LRRC7: variants seen among roughly 807,000 people sequenced by gnomAD.
The protein encoded by LRRC7 is leucine-rich repeat-containing protein 7.
In LRRC7, 23 loss-of-function variants were observed where a neutral mutation model predicts 175.7. The observed-to-expected ratio is 0.13, with a 90% CI of 0.09 to 0.19. The LOEUF is 0.19. Ranked by LOEUF, LRRC7 falls within the 10% of genes least tolerant of loss-of-function variation. LRRC7 has a pLI of 1.00. For synonymous variants in LRRC7, 685 were observed against 680.9 expected (o/e 1.01, Z -0.09); for missense variants, 1,354 against 1,904.7 (o/e 0.71, Z 5.38).
intron 1 of LRRC7, among the ~76,000 whole-genome samples, chr1:69,571,932 G>A (rs72934497): frequency 0.048 from 7,260 of 152,094 alleles, 583 homozygotes; most frequent in African/African-American, 0.17. Flanking sequence ...GTTGAACACA[G>A]TAGTTATAAT....
intron 1 of LRRC7, among the ~76,000 whole-genome samples, chr1:69,605,495 A>G (rs1647392267): frequency 6.6e-6 from 1 of 152,222 alleles, no homozygotes; most frequent in South Asian, 2.1e-4. Context: ...TGTGCAGGGC[A>G]CTTACTGCAT....
At chr1:69,793,642 T>TC (rs983022803) in intron 4 of LRRC7, among the ~76,000 whole-genome samples, 1 of 151,798 alleles carries the variant, frequency 6.6e-6, no homozygotes, top group Non-Finnish European at 1.5e-5. Context: ...CTTTTTTTTT[T>TC]CTTATATGAA....
intron 2 of LRRC7, among the ~76,000 whole-genome samples, chr1:69,757,615 G>T (rs1432809659): frequency 6.6e-6 from 1 of 151,868 alleles, no homozygotes; most frequent in Admixed American, 6.6e-5. Flanking sequence ...CAAAAGTTTT[G>T]GTAGACAGTG....
intron 7 of LRRC7, among the ~76,000 whole-genome samples, chr1:69,855,634 T>C (rs529605548): frequency 6.6e-6 from 1 of 152,224 alleles, no homozygotes; most frequent in African/African-American, 2.4e-5. Context: ...TGTAGATGTC[T>C]ATTAGGTCTG....
intron 4 of LRRC7, among the ~76,000 whole-genome samples, chr1:69,794,467 C>T (rs1412388174): frequency 6.6e-6 from 1 of 152,276 alleles, no homozygotes; most frequent in Middle Eastern, 3.4e-3. Context: ...GAAAGATGAC[C>T]TTAGGGCTAC....
chr1:69,786,174 A>C (rs1027763792), intron 3 of LRRC7, among the ~76,000 whole-genome samples: 1 of 152,162 alleles, frequency 6.6e-6, no homozygotes, highest in African/African-American at 2.4e-5. Context: ...GGAGACTTGT[A>C]TGCTTCTACC....
In LRRC7 at chr1:69,663,700, A is replaced by ATTTTTTTTTTTTTTTTTTTTTT. The variant is rs552339451; in HGVS notation, c.3-14670_3-14649dup. 3.0e-5 allele frequency among the ~76,000 whole-genome samples: 2 copies of ATTTTTTTTTTTTTTTTTTTTTT among 67,726 alleles called. 1 individual carries two copies. Among genetic ancestry groups the ATTTTTTTTTTTTTTTTTTTTTT allele is most frequent in the African/African-American group, 1.3e-4 (2 of 14,920 alleles). 44.4% of individuals were successfully genotyped at this position (67,726 alleles called of 152,430 possible). A position where few individuals can be genotyped will look rare whatever the true frequency, so the allele number is the denominator to read the frequency against. ...TGTCTCCATTAGTTCAATCGTTTTA[A>ATTTTTTTTTTTTTTTTTTTTTT]TTTTTTTTTTTTTTTTTTTTTTTTT... On this transcript the variant is annotated intron_variant, in intron 1 of 26. Transcript: ENST00000651989.
intron 1 of LRRC7, among the ~76,000 whole-genome samples, chr1:69,612,603 C>T (rs1277065485): frequency 6.6e-6 from 1 of 151,882 alleles, no homozygotes; most frequent in African/African-American, 2.4e-5. Flanking sequence ...TAAGGGAATA[C>T]CCATAATGGT....
At chr1:69,883,012 A>T (rs1226295538) in intron 7 of LRRC7, among the ~76,000 whole-genome samples, 1 of 151,926 alleles carries the variant, frequency 6.6e-6, no homozygotes, top group African/African-American at 2.4e-5. Flanking sequence ...CCAGTTTATC[A>T]TTGTTGGACA....
At chr1:69,831,740 C>T (rs1373078732) in intron 5 of LRRC7, among the ~76,000 whole-genome samples, 2 of 152,030 alleles carry the variant, frequency 1.3e-5, no homozygotes, top group Non-Finnish European at 2.9e-5. Context: ...AAAATACAAA[C>T]TAGAACAATA....
chr1:69,646,941 G>A (rs1001351373), intron 1 of LRRC7, among the ~76,000 whole-genome samples: 8 of 151,866 alleles, frequency 5.3e-5, no homozygotes, highest in Non-Finnish European at 1.0e-4. Flanking sequence ...CCAGAAGTTG[G>A]GTCCAGCAAC....
intron 1 of LRRC7, among the ~76,000 whole-genome samples, chr1:69,569,906 C>CAA (rs71071364): frequency 1.5e-3 from 131 of 87,066 alleles, no homozygotes; most frequent in Non-Finnish European, 2.4e-3. Flanking sequence ...AAAGGAATTA[C>CAA]AAAAAAAAAA....
intron 9 of LRRC7, among the ~76,000 whole-genome samples, chr1:69,981,085 C>G (rs1403953882): frequency 2.6e-5 from 4 of 152,030 alleles, no homozygotes; most frequent in African/African-American, 9.7e-5. Context: ...AAGAATGTTC[C>G]CATAAAACGC....
intron 2 of LRRC7, among the ~76,000 whole-genome samples, chr1:69,701,875 T>G (rs956676311): frequency 6.6e-6 from 1 of 152,226 alleles, no homozygotes; most frequent in African/African-American, 2.4e-5. Flanking sequence ...TTAAAAATCA[T>G]ATCACTAGTG....
rs574304112 is a variant in LRRC7 at position 70,106,417 on chromosome 1, C to T, written c.4546-1335C>T. Among the ~76,000 whole-genome samples the T allele has an allele frequency of 1.1e-4, 17 of 152,250 alleles. 1 individual carries two copies. In the South Asian group the frequency reaches 3.5e-3, roughly 32 times the overall value. On this transcript the variant is annotated intron_variant, in intron 25 of 26. Coordinates refer to ENST00000651989, the MANE Select transcript of LRRC7 (RefSeq NM_001370785.2). ...TTGGCCTTTTGTGACTTGTTTCTTT[C>T]ACTGGGCATAGTGTTTTCATAACGT...
intron 13 of LRRC7, among the ~76,000 whole-genome samples, chr1:70,014,530 A>G (rs984335817): frequency 6.6e-6 from 1 of 152,004 alleles, no homozygotes; most frequent in Non-Finnish European, 1.5e-5. Context: ...GGAACATACT[A>G]TGGAGCCAAA....
chr1:69,847,194 G>C (rs1040218275), intron 7 of LRRC7, among the ~76,000 whole-genome samples: 2 of 152,028 alleles, frequency 1.3e-5, no homozygotes, highest in African/African-American at 4.8e-5. Context: ...GTATCTTCAT[G>C]TATCTTATAA....
At chr1:69,805,389 G>C (rs1327738402) in intron 4 of LRRC7, among the ~76,000 whole-genome samples, 1 of 151,726 alleles carries the variant, frequency 6.6e-6, no homozygotes, top group Non-Finnish European at 1.5e-5. Context: ...AATTCATAAA[G>C]GGGTCTACTC....
In LRRC7 at chr1:69,700,415, T is replaced by A. The variant is rs1663193962; in HGVS notation, c.100+21937T>A. 2.0e-5 allele frequency among the ~76,000 whole-genome samples: 3 copies of A among 152,240 alleles called. No homozygotes were observed. The South Asian group carries it at 6.2e-4, about 32-fold the overall frequency. On this transcript the variant is annotated intron_variant, in intron 2 of 26. Coordinates refer to ENST00000651989, the MANE Select transcript of LRRC7 (RefSeq NM_001370785.2). ...TTTGTAAATTCTTCATATATTGATCTGGCTTTCTTACTCCCTTTACTGAAA... is the reference window on the plus strand; with the variant it reads ...TTTGTAAATTCTTCATATATTGATCAGGCTTTCTTACTCCCTTTACTGAAA...
Sources: gnomAD v4.1 joint callset for allele counts (sites outside exome capture counted in the v4.1 genomes callset) on GRCh38, gnomAD v4.1.1 for gene constraint, MANE v1.5 for transcripts, NCBI Gene and HGNC (gene_info 2026-07-23, HGNC 2026-07-21) for gene names.